GPHN: variants seen among roughly 807,000 people sequenced by gnomAD.
GPHN encodes the protein gephyrin.
A neutral mutation model predicts 95.5 loss-of-function variants in GPHN; 17 were observed. The ratio of observed to expected loss-of-function variants is 0.18; its 90% CI spans 0.12 to 0.27. The LOEUF is 0.27. Among genes scored for constraint, GPHN ranks in the 10% least tolerant of loss-of-function variants. The pLI is 1.00. For synonymous variants in GPHN, 320 were observed against 322.5 expected (o/e 0.99, Z 0.08); for missense variants, 660 against 978.1 (o/e 0.67, Z 4.34).
At chr14:66,970,559 C>T (rs1481425324) in intron 9 of GPHN, among the ~76,000 whole-genome samples, 1 of 152,128 alleles carries the variant, frequency 6.6e-6, no homozygotes, top group African/African-American at 2.4e-5. Context: ...AACCTGGGTT[C>T]CCAAGTCTCT....
the GPHN span, among the ~76,000 whole-genome samples, chr14:67,258,151 T>C: frequency 6.6e-6 from 1 of 151,946 alleles, no homozygotes; most frequent in African/African-American, 2.4e-5. Context: ...TAGATAGCAG[T>C]GTGCAGGGTT....
At chr14:66,986,891 TG>T (rs1461207281) in intron 9 of GPHN, among the ~76,000 whole-genome samples, 5 of 152,216 alleles carry the variant, frequency 3.3e-5, no homozygotes, top group Non-Finnish European at 7.4e-5. Context: ...TTTACTTTTT[TG>T]TTATTGTTTA....
At chr14:67,292,408 G>C in the GPHN span, 11 of 781,300 alleles carry the variant, frequency 1.4e-5, no homozygotes, top group Non-Finnish European at 2.2e-5. Flanking sequence ...GTATTTTTCT[G>C]AAAACTTAAA....
At chr14:67,222,496 G>A in the GPHN span, among the ~76,000 whole-genome samples, 4 of 152,090 alleles carry the variant, frequency 2.6e-5, no homozygotes, top group South Asian at 6.2e-4. Flanking sequence ...GGATGGTCTC[G>A]AACTCCTGAT....
the GPHN span, among the ~76,000 whole-genome samples, chr14:67,407,430 A>AT: frequency 2.8e-4 from 42 of 149,572 alleles, no homozygotes; most frequent in African/African-American, 3.2e-4. Context: ...CCCTAACCTT[A>AT]TTTTTTTTTA....
At chr14:67,279,866 T>A in the GPHN span, 1 of 256,578 alleles carries the variant, frequency 3.9e-6, no homozygotes, top group Non-Finnish European at 7.3e-6. Context: ...AAAAGAATTT[T>A]CAGATTTTGA....
intron 8 of GPHN, among the ~76,000 whole-genome samples, chr14:66,951,882 C>G (rs2068132095): frequency 6.6e-6 from 1 of 152,080 alleles, no homozygotes; most frequent in South Asian, 2.1e-4. Flanking sequence ...ATTGGACCCC[C>G]TATCTCACAG....
chr14:66,810,510 AAT>A (rs2060717306), intron 3 of GPHN, among the ~76,000 whole-genome samples: 1 of 151,982 alleles, frequency 6.6e-6, no homozygotes, highest in African/African-American at 2.4e-5. Flanking sequence ...CTTTGTCAAA[AAT>A]ATGTCATTGA....
At chr14:67,013,510 A>G (rs576522186) in intron 9 of GPHN, among the ~76,000 whole-genome samples, 1 of 152,208 alleles carries the variant, frequency 6.6e-6, no homozygotes, top group African/African-American at 2.4e-5. Flanking sequence ...AGGCTTGATT[A>G]ACAACATAAT....
the GPHN span, among the ~76,000 whole-genome samples, chr14:67,315,465 A>G: frequency 1.3e-5 from 2 of 151,718 alleles, no homozygotes; most frequent in African/African-American, 2.4e-5. Flanking sequence ...TTTAGTAGAG[A>G]TGGGGTTTCA....
the GPHN span, among the ~76,000 whole-genome samples, chr14:67,303,299 G>GA: frequency 2.6e-5 from 4 of 152,158 alleles, no homozygotes; most frequent in Admixed American, 1.3e-4. Context: ...TATTACAGTG[G>GA]AATCTGTACT....
chr14:66,985,042 T>C (rs2070925691), intron 9 of GPHN, among the ~76,000 whole-genome samples: 1 of 152,220 alleles, frequency 6.6e-6, no homozygotes, highest in South Asian at 2.1e-4. Flanking sequence ...ATAGCAAATT[T>C]TCCAAGAGGA....
the GPHN span, chr14:67,650,654 T>TG: frequency 1.4e-6 from 2 of 1,466,278 alleles, no homozygotes; most frequent in South Asian, 2.3e-5. Context: ...CCCAGTGGGA[T>TG]GACCCTCACT....
the GPHN span, among the ~76,000 whole-genome samples, chr14:67,261,679 C>A: frequency 6.6e-6 from 1 of 152,006 alleles, no homozygotes; most frequent in African/African-American, 2.4e-5. Flanking sequence ...ATGTTGGTAG[C>A]CTAGTATCAC....
the GPHN span, among the ~76,000 whole-genome samples, chr14:67,245,730 A>C: frequency 1.4e-4 from 22 of 152,296 alleles, no homozygotes; most frequent in African/African-American, 5.3e-4. Flanking sequence ...TTTCATCCTC[A>C]TAACTTCTAT....
chr14:67,412,034 C>T, the GPHN span: 1 of 1,558,418 alleles, frequency 6.4e-7, no homozygotes, highest in East Asian at 2.6e-5. Context: ...GACCAGGAAG[C>T]CCTCCTTGAG....
At chr14:66,999,772 T>A (rs115564070) in intron 9 of GPHN, among the ~76,000 whole-genome samples, 415 of 151,988 alleles carry the variant, frequency 2.7e-3, no homozygotes, top group African/African-American at 9.4e-3. Context: ...ATTCCCTTAG[T>A]ATAAACCAAA....
chr14:67,471,668 G>A, the GPHN span: 2 of 152,202 alleles, frequency 1.3e-5, no homozygotes, highest in Non-Finnish European at 2.9e-5. Context: ...TGCTCTGGAC[G>A]GGGCTAACTG....
chr14:66,615,364 C>G (rs1348847691), intron 1 of GPHN, among the ~76,000 whole-genome samples: 1 of 152,068 alleles, frequency 6.6e-6, no homozygotes. Context: ...CACAGCCTCG[C>G]CAGCATCTAT....
Sources: gnomAD v4.1 joint callset for allele counts (sites outside exome capture counted in the v4.1 genomes callset) on GRCh38, gnomAD v4.1.1 for gene constraint, MANE v1.5 for transcripts, NCBI Gene and HGNC (gene_info 2026-07-23, HGNC 2026-07-21) for gene names.